Variants in SERPINA9 observed in about 807,000 individuals in gnomAD.
The protein encoded by SERPINA9 is serpin family A member 9.
Under a neutral mutation model 24.5 loss-of-function variants are expected in SERPINA9, and 32 were observed. The observed-to-expected ratio is 1.30, with a 90% CI of 0.98 to 1.75. The LOEUF (loss-of-function observed/expected upper bound fraction) is 1.75. Among genes scored for constraint, SERPINA9 ranks in the 40% most tolerant of loss-of-function variants. The pLI, the probability that SERPINA9 is intolerant of heterozygous loss-of-function variation, is 0.00. For synonymous variants in SERPINA9, 233 were observed against 197.7 expected, an observed-to-expected ratio of 1.18 and a Z score of -1.50; for missense variants, 594 against 497.1, an observed-to-expected ratio of 1.19 and a Z score of -1.85.
At position 94,469,250 on chromosome 14, in the gene SERPINA9, C is replaced by T; in HGVS notation, c.591G>A (p.Leu197=). 1 of 1,613,974 alleles carries T rather than the reference C, an allele frequency of 6.2e-7. No homozygotes were observed. The highest frequency in any genetic ancestry group is 8.5e-7 in the Non-Finnish European group (1 of 1,179,944). Reference sequence around the variant, plus strand: ...TGTGGTTCACCAGAACCATGGCCGTCAGAAGGTCAAGGCCTTGGATTATGT... The same window carrying T: ...TGTGGTTCACCAGAACCATGGCCGTTAGAAGGTCAAGGCCTTGGATTATGT... The part of the protein sequence containing the change: ...VVDIIQGLDL[L]TAMVLVNHIF... Residue 197 remains leucine, a synonymous_variant, in exon 2 of 5, where the codon CTG becomes CTA. Transcript: ENST00000674397.
intron 1 of SERPINA9, among the ~76,000 whole-genome samples, chr14:94,473,468 G>T (rs747888436): frequency 6.9e-6 from 1 of 144,508 alleles, no homozygotes; most frequent in Non-Finnish European, 1.5e-5. Flanking sequence ...GCAGTGAGTC[G>T]AGATCAGGCC....
chr14:94,475,486 A>C (rs1057380388), intron 1 of SERPINA9, among the ~76,000 whole-genome samples: 1 of 151,676 alleles, frequency 6.6e-6, no homozygotes, highest in Middle Eastern at 3.4e-3. Flanking sequence ...CTTGCCTCCT[A>C]TCTCACATAA....
rs1331135306 is a variant in SERPINA9 at position 94,469,528 on chromosome 14, T to C, written c.313A>G (p.Thr105Ala). The C allele has an allele frequency of 6.2e-7, 1 of 1,614,094 alleles. No homozygotes were observed. Among genetic ancestry groups the C allele is most frequent in the East Asian group, 2.2e-5 (1 of 44,870 alleles). ...LQGLGFNLTH[T>A]PESAIHQGFQ... ...CCCTGGTGGATGGCAGACTCTGGTG[T>C]GTGTGTGAGGTTGAAGCCCAGGCCC... Residue 105 changes from threonine to alanine, a missense_variant, in exon 2 of 5, where the codon ACA becomes GCA. By Grantham distance (58) the Thr-to-Ala change is moderately conservative. Transcript: ENST00000674397.
At chr14:94,463,799 C>A (rs1267286658) in intron 4 of SERPINA9, among the ~76,000 whole-genome samples, 3 of 152,158 alleles carry the variant, frequency 2.0e-5, no homozygotes, top group African/African-American at 7.2e-5. Context: ...TCCTGGATTT[C>A]TAAGCTTCAG....
intron 1 of SERPINA9, among the ~76,000 whole-genome samples, chr14:94,470,468 C>G (rs11160182): frequency 6.6e-6 from 1 of 152,256 alleles, no homozygotes; most frequent in Admixed American, 6.5e-5. Context: ...CTAGTCACAT[C>G]TGTCTGCTTC....
At chr14:94,468,312 G>A (rs377320551) in intron 2 of SERPINA9, among the ~76,000 whole-genome samples, 42 of 152,250 alleles carry the variant, frequency 2.8e-4, no homozygotes, top group South Asian at 1.0e-3. Context: ...TTGGTTAGGC[G>A]CATGCCTGGA....
At chr14:94,472,495 C>A (rs137861858) in intron 1 of SERPINA9, among the ~76,000 whole-genome samples, 1 of 152,308 alleles carries the variant, frequency 6.6e-6, no homozygotes, top group Admixed American at 6.5e-5. Context: ...ACTGACCACA[C>A]GCGTGCCTTT....
Position 94,469,701 on chromosome 14 carries a change from A to C in SERPINA9, c.140T>G (p.Leu47Arg). The C allele has an allele frequency of 1.9e-6, 3 of 1,610,604 alleles. No individual in the cohort carries two copies. The South Asian group carries it at 3.3e-5, about 18-fold the overall frequency. Residue 47 changes from leucine (L) to arginine (R), a missense_variant, in exon 2 of 5, where the codon CTC (leucine) becomes CGC (arginine). By Grantham distance (102) the Leu-to-Arg change is moderately radical. Transcript: ENST00000674397. ...TAGGCGGAAGGCAAAGTCGGTGTTG[A>C]GGGAATACACCTGTGAGGCAGGGGT... ...KSTPASQVYS[L>R]NTDFAFRLYR... is the part of the protein sequence containing the mutation.
chr14:94,475,698 A>T (rs1330709526), intron 1 of SERPINA9, among the ~76,000 whole-genome samples: 2 of 151,552 alleles, frequency 1.3e-5, no homozygotes, highest in Middle Eastern at 3.4e-3. Context: ...GGACCCTTCC[A>T]CCTCTCTTTT....
chr14:94,463,948 C>T (rs1363881813), intron 4 of SERPINA9, among the ~76,000 whole-genome samples: 3 of 152,166 alleles, frequency 2.0e-5, no homozygotes, highest in East Asian at 1.9e-4. Flanking sequence ...ACAAAGGTCC[C>T]CTTCAGTGGC....
intron 1 of SERPINA9, among the ~76,000 whole-genome samples, chr14:94,475,374 C>G (rs570200452): frequency 6.6e-6 from 1 of 152,160 alleles, no homozygotes; most frequent in African/African-American, 2.4e-5. Flanking sequence ...GGAATGGATG[C>G]CCACCCTGCT....
chr14:94,470,002 T>A, intron 1 of SERPINA9, 145 bp from the exon 2 acceptor site: 1 of 693,440 alleles, frequency 1.4e-6, no homozygotes, highest in Non-Finnish European at 2.2e-6. Flanking sequence ...TCTCTGAGCC[T>A]CACAATATTC....
At position 94,463,267 on chromosome 14, in the gene SERPINA9, A is replaced by G. The variant is rs778058043; in HGVS notation, c.1080T>C (p.Ser360=). ...CTGCTGTGGCCTCAGTGCCCTCTTCACTGACATCCAGCACAGCCTTGTGGG... is the reference window on the plus strand; with the variant it reads ...CTGCTGTGGCCTCAGTGCCCTCTTCGCTGACATCCAGCACAGCCTTGTGGG... ...KATHKAVLDV[S]EEGTEATAAT... The change falls in exon 5 of 5, where the codon AGT becomes AGC. Residue 360 remains serine (S), a synonymous_variant. Transcript: ENST00000674397. The G allele has an allele frequency of 9.3e-6, 15 of 1,614,070 alleles. No homozygotes were observed. The highest frequency in any genetic ancestry group is 5.5e-5 in the South Asian group (5 of 91,088).
At chr14:94,464,389 C>A in intron 4 of SERPINA9, 1 of 425,682 alleles carries the variant, frequency 2.3e-6, no homozygotes, top group East Asian at 3.9e-5. Flanking sequence ...CACTGTGATG[C>A]CTGTGTGAGG....
chr14:94,475,491 A>T (rs1899560943), intron 1 of SERPINA9, among the ~76,000 whole-genome samples: 1 of 151,880 alleles, frequency 6.6e-6, no homozygotes. Flanking sequence ...CTCCTATCTC[A>T]CATAAAAGAG....
At chr14:94,468,577 A>T (rs1899132551) in intron 2 of SERPINA9, among the ~76,000 whole-genome samples, 1 of 152,254 alleles carries the variant, frequency 6.6e-6, no homozygotes, top group Admixed American at 6.5e-5. Context: ...TTAGAGACAC[A>T]TGCTGAGGAT....
rs1899176775 is a variant in SERPINA9, at chr14:94,469,311, C to T, written c.530G>A (p.Ser177Asn). 2 of 1,614,084 alleles carry T rather than the reference C, an allele frequency of 1.2e-6. No homozygotes were observed. Among genetic ancestry groups the T allele is most frequent in the African/African-American group, 1.3e-5 (1 of 74,920 alleles). ...NPSIAQARINSHVKKKTQGKV... is the reference protein window; with the variant it reads ...NPSIAQARINNHVKKKTQGKV... ...CCCTTGGGTCTTCTTTTTCACATGG[C>T]TGTTGATCCTCGCCTGGGCAATGGA... Residue 177 changes from serine to asparagine, a missense_variant, in exon 2 of 5, where the codon AGC becomes AAC. Transcript: ENST00000674397.
chr14:94,470,708 G>C (rs1899271799), intron 1 of SERPINA9, among the ~76,000 whole-genome samples: 2 of 152,206 alleles, frequency 1.3e-5, no homozygotes, highest in Non-Finnish European at 2.9e-5. Flanking sequence ...TGCAGCACGG[G>C]ACCCAGCACA....
chr14:94,469,952 T>G, intron 1 of SERPINA9, 95 bp from the exon 2 acceptor site: 1 of 1,044,500 alleles, frequency 9.6e-7, no homozygotes, highest in Non-Finnish European at 1.4e-6. Flanking sequence ...AGCAGCAGAA[T>G]GAGGACAGAT....
Sources: allele counts gnomAD v4.1 joint callset (sites outside exome capture counted in the v4.1 genomes callset), GRCh38; gene constraint gnomAD v4.1.1; transcripts MANE v1.5; gene names NCBI Gene and HGNC (gene_info 2026-07-23, HGNC 2026-07-21).